LRRFIP1: variants seen among roughly 807,000 people sequenced by gnomAD.
The protein encoded by LRRFIP1 is LRR binding FLII interacting protein 1.
Under a neutral mutation model 104.4 loss-of-function variants are expected in LRRFIP1, and 62 were observed. That is an observed-to-expected ratio of 0.59 (90% CI 0.48 to 0.73). The LOEUF is 0.73. Ranked by LOEUF, LRRFIP1 falls within the 30% of genes least tolerant of loss-of-function variation. The pLI is 0.00. For missense variants in LRRFIP1, 796 were observed against 824.5 expected (o/e 0.97, Z 0.42); for synonymous variants, 300 against 299.0 (o/e 1.00, Z -0.03).
intron 19 of LRRFIP1, chr2:237,765,435 TAAAAA>T (rs60482580): frequency 9.0e-4 from 408 of 452,878 alleles, no homozygotes; most frequent in South Asian, 1.7e-3. Context: ...ACACTGTCTC[TAAAAA>T]AAAAAAAAAA....
At chr2:237,685,033 G>T (rs1324592342) in intron 1 of LRRFIP1, among the ~76,000 whole-genome samples, 3 of 151,912 alleles carry the variant, frequency 2.0e-5, no homozygotes, top group Admixed American at 2.0e-4. Context: ...AGCCAAGGTT[G>T]TATGTAGTGA....
At chr2:237,746,725 AGCTG>A (rs2057918037) in intron 11 of LRRFIP1, among the ~76,000 whole-genome samples, 1 of 152,252 alleles carries the variant, frequency 6.6e-6, no homozygotes, top group Non-Finnish European at 1.5e-5. Flanking sequence ...ACTGCGGTAT[AGCTG>A]GGCTGCACCC....
chr2:237,667,845 A>G (rs1056299238), intron 1 of LRRFIP1, among the ~76,000 whole-genome samples: 3 of 151,638 alleles, frequency 2.0e-5, no homozygotes, highest in African/African-American at 7.3e-5. Flanking sequence ...CTTCCCTAAC[A>G]CCATTCACTC....
Position 237,649,846 on chromosome 2 carries a change from C to CA in LRRFIP1, c.96+22117dup, listed in dbSNP as rs112958351. Among the ~76,000 whole-genome samples the CA allele has an allele frequency of 5.1e-4, 74 of 144,654 alleles. No homozygotes were observed. Among genetic ancestry groups the CA allele is most frequent in the African/African-American group, 9.2e-4 (37 of 40,334 alleles). The allele number at this position is 144,654 out of a possible 152,430, so 94.9% of individuals were successfully genotyped here. On this transcript the variant is annotated intron_variant, in intron 1 of 23. Transcript: ENST00000308482. This position sits in a 1 kb window ranked among gnomAD's most constrained non-coding sequence, Gnocchi z 4.1. Reference sequence around the variant, plus strand: ...TGTATTCACTTTTCCTCCGATTCAACAAAAAAAAAAATTGATTACCCCCCG... The same window carrying CA: ...TGTATTCACTTTTCCTCCGATTCAACAAAAAAAAAAAATTGATTACCCCCCG...
Position 237,772,872 on chromosome 2 carries a change from C to T in LRRFIP1, c.1634C>T (p.Ala545Val), listed in dbSNP as rs866693923. The change falls in exon 22 of 24, where the codon GCC (alanine) becomes GTC (valine). Residue 545 changes from alanine (A) to valine (V), a missense_variant. Transcript: ENST00000308482. ...DMHVMDLQRD[A>V]NRQISDLKFK... ...CTTCTCTTTCAACCTTTAGGGGATG[C>T]CAACAGACAGATCAGCGACCTCAAA... The T allele has an allele frequency of 1.9e-6, 3 of 1,612,514 alleles. No homozygotes were observed. Among genetic ancestry groups the T allele is most frequent in the Non-Finnish European group, 2.5e-6 (3 of 1,178,640 alleles).
chr2:237,762,916 C>T, intron 19 of LRRFIP1: 1 of 1,614,140 alleles, frequency 6.2e-7, no homozygotes, highest in East Asian at 2.2e-5. Flanking sequence ...ATGACAGGAC[C>T]AGAACTCCCC....
chr2:237,764,376 G>A, intron 19 of LRRFIP1: 1 of 1,442,826 alleles, frequency 6.9e-7, no homozygotes, highest in Non-Finnish European at 9.1e-7. Context: ...CTAATTGAGA[G>A]CATTCCAGTA....
chr2:237,686,879 C>T (rs1221416173), intron 1 of LRRFIP1, among the ~76,000 whole-genome samples: 2 of 152,256 alleles, frequency 1.3e-5, no homozygotes, highest in Non-Finnish European at 2.9e-5. Flanking sequence ...ATGCTCCTAC[C>T]AGTGCCCCTA....
intron 8 of LRRFIP1, among the ~76,000 whole-genome samples, chr2:237,733,425 C>G (rs1344769466): frequency 6.6e-6 from 1 of 152,202 alleles, no homozygotes; most frequent in Non-Finnish European, 1.5e-5. Context: ...TGGATTTGAG[C>G]TGTGGGTTTT....
chr2:237,769,114 A>G (rs1378980560), intron 19 of LRRFIP1: 2 of 152,244 alleles, frequency 1.3e-5, no homozygotes, highest in Non-Finnish European at 2.9e-5. Context: ...CGAGCTAATG[A>G]TGTCGAAGCT....
intron 10 of LRRFIP1, 77 bp from the exon 11 acceptor site, chr2:237,739,155 C>T: frequency 1.5e-6 from 2 of 1,315,344 alleles, no homozygotes; most frequent in Non-Finnish European, 2.1e-6. Flanking sequence ...TTCTGTCGGC[C>T]TCTATTCTCC....
intron 14 of LRRFIP1, among the ~76,000 whole-genome samples, chr2:237,752,767 C>T (rs1396638040): frequency 6.6e-6 from 1 of 152,236 alleles, no homozygotes; most frequent in Non-Finnish European, 1.5e-5. Context: ...GTGAGATCTG[C>T]CTGCCATTTT....
At chr2:237,771,092 T>A (rs1396140917) in intron 20 of LRRFIP1, among the ~76,000 whole-genome samples, 1 of 152,106 alleles carries the variant, frequency 6.6e-6, no homozygotes. Context: ...CTCCTGTGCT[T>A]GGTGTGTGGG....
chr2:237,698,860 T>A (rs185244182), intron 1 of LRRFIP1, among the ~76,000 whole-genome samples: 59 of 152,346 alleles, frequency 3.9e-4, no homozygotes, highest in Non-Finnish European at 7.5e-4. Context: ...CCTGTCTTTT[T>A]ACAAGTTCCT....
intron 1 of LRRFIP1, among the ~76,000 whole-genome samples, chr2:237,630,063 T>C (rs558254222): frequency 6.6e-6 from 1 of 152,206 alleles, no homozygotes; most frequent in Non-Finnish European, 1.5e-5. Context: ...ATGTAAAGTA[T>C]GTAACTAGGC....
At chr2:237,748,334 A>G in intron 11 of LRRFIP1, 30 bp from the exon 12 acceptor site, 1 of 1,515,794 alleles carries the variant, frequency 6.6e-7, no homozygotes, top group African/African-American at 1.4e-5. Flanking sequence ...CTTTTAAAGT[A>G]TTTAATATTT....
rs568153725 is a variant in LRRFIP1 at position 237,711,597 on chromosome 2, GAC to G, written c.184-2658_184-2657del. Among the ~76,000 whole-genome samples the G allele has an allele frequency of 6.6e-6, 1 of 152,348 alleles. No homozygotes were observed. Among genetic ancestry groups the G allele is most frequent in the South Asian group, 2.1e-4 (1 of 4,828 alleles). On this transcript the variant is annotated intron_variant, in intron 2 of 23. Transcript: ENST00000308482. The surrounding 1 kb of genome is among the most constrained non-coding windows in gnomAD (Gnocchi z 4.4). ...CCTCACGACCGTGGCTTGCGGCTGT[GAC>G]ACAGGGCGGGCGTCGTGGGCGCGGC...
At chr2:237,742,355 A>G (rs1384612532) in intron 11 of LRRFIP1, among the ~76,000 whole-genome samples, 2 of 152,180 alleles carry the variant, frequency 1.3e-5, no homozygotes, top group Admixed American at 1.3e-4. Flanking sequence ...AGTGAGGGAC[A>G]AGGCTGTCCC....
At chr2:237,774,727 A>G (rs2279646) in intron 23 of LRRFIP1, among the ~76,000 whole-genome samples, 35,236 of 152,236 alleles carry the variant, frequency 0.23, 4,519 homozygotes, top group East Asian at 0.39. Context: ...AAACGTCAAG[A>G]GAATGAGATA....
Sources: allele counts gnomAD v4.1 joint callset (sites outside exome capture counted in the v4.1 genomes callset), GRCh38; gene constraint gnomAD v4.1.1; non-coding constraint Gnocchi (gnomAD v3.1); transcripts MANE v1.5; gene names NCBI Gene and HGNC (gene_info 2026-07-23, HGNC 2026-07-21).